PUS7L: variants seen among roughly 807,000 people sequenced by gnomAD.
The protein encoded by PUS7L is pseudouridine synthase 7 like, also known as pseudouridylate synthase PUS7L.
In PUS7L, 49 loss-of-function variants were observed where a neutral mutation model predicts 51.1. The observed-to-expected ratio is 0.96, with a 90% CI of 0.76 to 1.22. The LOEUF (loss-of-function observed/expected upper bound fraction) is 1.22. Among genes scored for constraint, PUS7L ranks in the 50% most tolerant of loss-of-function variants. PUS7L has a pLI of 0.00. For missense variants in PUS7L, 828 were observed against 820.6 expected, an observed-to-expected ratio of 1.01 and a Z score of -0.11; for synonymous variants, 277 against 276.2, an observed-to-expected ratio of 1.00 and a Z score of -0.03.
At chr12:43,743,202 G>A (rs1011489734) in intron 4 of PUS7L, among the ~76,000 whole-genome samples, 10 of 152,110 alleles carry the variant, frequency 6.6e-5, no homozygotes, top group Non-Finnish European at 1.0e-4. Flanking sequence ...ACATTACTCA[G>A]AAGAAATGGA....
chr12:43,738,392 C>T lies in PUS7L; in HGVS notation c.1363-1G>A. ...TAAGAAACAATTTTATGGCTTTCAT[C>T]TTAAAAAATCAAGCAGGTAAACATG... On this transcript the variant is annotated splice_acceptor_variant, in intron 5 of 8. Coordinates refer to ENST00000344862, the MANE Select transcript of PUS7L (RefSeq NM_031292.5). LOFTEE classifies it high-confidence loss of function. 6.5e-7 allele frequency: 1 copy of T among 1,533,734 alleles called. No homozygotes were observed. Among genetic ancestry groups the T allele is most frequent in the South Asian group, 1.1e-5 (1 of 87,978 alleles).
rs1200069361 is a variant in PUS7L at position 43,730,345 on chromosome 12, C to CAT, written c.*29_*30dup. 4 of 1,544,480 alleles carry CAT rather than the reference C, an allele frequency of 2.6e-6. No individual in the cohort carries two copies. In the African/African-American group the frequency reaches 5.5e-5, roughly 21 times the overall value. ...TAGCCCCCTTTCCTTCAAAGAGTGACATATATATGGTTATACCAAGGGTAT... is the reference window on the plus strand; with the variant it reads ...TAGCCCCCTTTCCTTCAAAGAGTGACATATATATATGGTTATACCAAGGGTAT... On this transcript the variant is annotated 3_prime_UTR_variant, in exon 9 of 9. Transcript: ENST00000344862.
In PUS7L at chr12:43,755,106, TTAAC is replaced by T; in HGVS notation, c.136_139del (p.Val46IlefsTer27). ...GAAAATAGGCTCATCGATGGTCTTA[TTAAC>T]TAACTGTCCCTGTTCATCAATTTCA... On this transcript the variant is annotated frameshift_variant, in exon 2 of 9. Transcript: ENST00000344862. LOFTEE classifies it high-confidence loss of function. The T allele has an allele frequency of 6.2e-7, 1 of 1,613,788 alleles. No homozygotes were observed. The highest frequency in any genetic ancestry group is 8.5e-7 in the Non-Finnish European group (1 of 1,179,790).
chr12:43,753,849 G>A (rs894142798), intron 2 of PUS7L, among the ~76,000 whole-genome samples: 31 of 152,136 alleles, frequency 2.0e-4, no homozygotes, highest in African/African-American at 7.5e-4. Flanking sequence ...CTTGTCTAAA[G>A]ACCAGCAGGA....
intron 7 of PUS7L, 129 bp from the exon 8 acceptor site, chr12:43,731,887 T>C: frequency 1.6e-6 from 1 of 608,738 alleles, no homozygotes; most frequent in Non-Finnish European, 2.9e-6. Flanking sequence ...CCAAACAAGA[T>C]CTTATCATAA....
At chr12:43,735,090 T>C (rs1048520448) in intron 7 of PUS7L, among the ~76,000 whole-genome samples, 1 of 151,574 alleles carries the variant, frequency 6.6e-6, no homozygotes, top group Non-Finnish European at 1.5e-5. Context: ...CCGAGGCGGG[T>C]GGATCACGAG....
chr12:43,740,365 G>C (rs1937837016), intron 5 of PUS7L, among the ~76,000 whole-genome samples: 1 of 152,068 alleles, frequency 6.6e-6, no homozygotes, highest in Non-Finnish European at 1.5e-5. Flanking sequence ...TAGGGTATTA[G>C]GGACAGAGCA....
In PUS7L at chr12:43,725,643, TC is replaced by T. The variant is rs60479509; in HGVS notation, c.*4732del. 9,664 of 152,122 alleles carry T rather than the reference TC, an allele frequency of 0.064. 307 individuals carry two copies. The highest frequency in any genetic ancestry group is 0.16 in the Middle Eastern group (48 of 294). 9.4% of individuals were successfully genotyped at this position (152,122 alleles called of 1,614,324 possible). On this transcript the variant is annotated 3_prime_UTR_variant, in exon 9 of 9. Coordinates refer to ENST00000344862, the MANE Select transcript of PUS7L (RefSeq NM_031292.5). The stretch of plus-strand genomic sequence containing the variant: ...ACCTCGTGATCCACTCGTCTTGGCC[TC>T]CCCAAAGTGTTGGGATTACAGGCGT...
rs748395973 is a variant in PUS7L at position 43,754,323 on chromosome 12, T to C, written c.910+13A>G. On this transcript the variant is annotated intron_variant, in intron 2 of 8. Transcript: ENST00000344862. ...GCTTATCCAAGAAAATGGATGATGA[T>C]TTATTAAATTACCTGTATATATAAC... 1 of 1,499,748 alleles carries C rather than the reference T, an allele frequency of 6.7e-7. No homozygotes were observed. The highest frequency in any genetic ancestry group is 9.1e-7 in the Non-Finnish European group (1 of 1,104,206). 92.9% of individuals were successfully genotyped at this position (1,499,748 alleles called of 1,614,324 possible).
At position 43,731,769 on chromosome 12, in the gene PUS7L, A is replaced by G; in HGVS notation, c.1726-11T>C. On this transcript the variant is annotated splice_polypyrimidine_tract_variant and intron_variant, in intron 7 of 8. Transcript: ENST00000344862. ...AGTTACCAGGTGAATCTAGTTTTAA[A>G]AAACATGAAAATATGAATGATTCCC... 6.6e-7 allele frequency: 1 copy of G among 1,519,660 alleles called. No individual in the cohort carries two copies. The highest frequency in any genetic ancestry group is 9.1e-7 in the Non-Finnish European group (1 of 1,100,794). 94.1% of individuals were successfully genotyped at this position (1,519,660 alleles called of 1,614,324 possible).
intron 2 of PUS7L, among the ~76,000 whole-genome samples, chr12:43,753,596 A>G (rs989829519): frequency 6.6e-6 from 1 of 152,142 alleles, no homozygotes; most frequent in African/African-American, 2.4e-5. Context: ...CCATCCTTCA[A>G]GTAGAATTGA....
chr12:43,742,668 A>T (rs1440241647), intron 4 of PUS7L, 113 bp from the exon 5 acceptor site: 32 of 1,400,056 alleles, frequency 2.3e-5, no homozygotes, highest in African/African-American at 2.9e-5. Flanking sequence ...CTCTGTAATC[A>T]GCAGTATACA....
chr12:43,738,364 G>C lies in PUS7L; in HGVS notation c.1390C>G (p.Pro464Ala). Residue 464 changes from proline (P) to alanine (A), a missense_variant, in exon 6 of 9, where the codon CCA (proline) becomes GCA (alanine). By Grantham distance (27) the Pro-to-Ala change is conservative. Coordinates refer to ENST00000344862, the MANE Select transcript of PUS7L (RefSeq NM_031292.5). ...TTTACAGGATCATCCAAGTCTTCTG[G>C]TGTAAGAAACAATTTTATGGCTTTC... ...MMKAIKLFLT[P>A]EDLDDPVNRA... The C allele has an allele frequency of 6.3e-7, 1 of 1,592,242 alleles. No individual in the cohort carries two copies.
intron 1 of PUS7L, among the ~76,000 whole-genome samples, chr12:43,756,165 C>T (rs1015995026): frequency 1.3e-5 from 2 of 152,160 alleles, no homozygotes; most frequent in Non-Finnish European, 2.9e-5. Flanking sequence ...CAATCCTTTC[C>T]ATCATGCCAT....
chr12:43,758,238 C>A, intron 1 of PUS7L: 1 of 863,358 alleles, frequency 1.2e-6, no homozygotes, highest in Non-Finnish European at 1.4e-6. Flanking sequence ...GGTAGGGAAA[C>A]TTGGGGAGAA....
intron 1 of PUS7L, among the ~76,000 whole-genome samples, chr12:43,756,515 C>A (rs1938707458): frequency 4.6e-5 from 7 of 152,208 alleles, no homozygotes. Flanking sequence ...TCTCTCGGAT[C>A]CCCAGACAAC....
At chr12:43,758,547 C>A in intron 1 of PUS7L, 183 bp downstream of exon 1, 1 of 985,510 alleles carries the variant, frequency 1.0e-6, no homozygotes, top group African/African-American at 1.7e-5. Context: ...AGCAGCTCTA[C>A]CTGTTTCTTC....
Position 43,754,843 on chromosome 12 carries a change from C to G in PUS7L, c.403G>C (p.Glu135Gln). The G allele has an allele frequency of 6.2e-7, 1 of 1,613,720 alleles. No homozygotes were observed. Among genetic ancestry groups the G allele is most frequent in the Non-Finnish European group, 8.5e-7 (1 of 1,179,840 alleles). Residue 135 changes from glutamate (E) to glutamine (Q), a missense_variant, in exon 2 of 9, where the codon GAG becomes CAG. Transcript: ENST00000344862. ...LSSFLDEKTHELLNNFACDVR... is the reference protein window; with the variant it reads ...LSSFLDEKTHQLLNNFACDVR... ...TCACAGGCAAAATTATTCAGTAACT[C>G]ATGAGTTTTTTCATCCAAAAAGGAG...
At chr12:43,733,687 A>G (rs1024573061) in intron 7 of PUS7L, among the ~76,000 whole-genome samples, 4 of 152,240 alleles carry the variant, frequency 2.6e-5, no homozygotes, top group Admixed American at 1.3e-4. Context: ...TGTGCTTTCC[A>G]ATATTTAATT....
Sources: gnomAD v4.1 joint callset for allele counts (sites outside exome capture counted in the v4.1 genomes callset) on GRCh38, gnomAD v4.1.1 for gene constraint, MANE v1.5 for transcripts, NCBI Gene and HGNC (gene_info 2026-07-23, HGNC 2026-07-21) for gene names.